Variants in PLXDC2 observed in about 807,000 individuals in gnomAD.
PLXDC2 encodes the protein plexin domain-containing protein 2.
A neutral mutation model predicts 68.9 loss-of-function variants in PLXDC2; 40 were observed. The observed-to-expected ratio is 0.58, with a 90% CI of 0.45 to 0.76. The LOEUF is 0.76. Among genes scored for constraint, PLXDC2 ranks in the 30% least tolerant of loss-of-function variants. The pLI is 0.00. For missense variants in PLXDC2, 644 were observed against 661.9 expected (o/e 0.97, Z 0.30); for synonymous variants, 243 against 234.2 (o/e 1.04, Z -0.34).
chr10:20,091,560 T>G (rs1249974452), intron 4 of PLXDC2, among the ~76,000 whole-genome samples: 1 of 152,200 alleles, frequency 6.6e-6, no homozygotes, highest in Non-Finnish European at 1.5e-5. Flanking sequence ...ACCTTTCTGT[T>G]CAGTAGGAAT....
chr10:20,043,120 A>T (rs554522431), intron 2 of PLXDC2, among the ~76,000 whole-genome samples: 1 of 152,304 alleles, frequency 6.6e-6, no homozygotes, highest in African/African-American at 2.4e-5. Flanking sequence ...AAAATGTCAC[A>T]TTTTTGAGAA....
chr10:20,272,024 C>T (rs541163335), intron 13 of PLXDC2, among the ~76,000 whole-genome samples: 1 of 152,208 alleles, frequency 6.6e-6, no homozygotes, highest in South Asian at 2.1e-4. Context: ...CATTATCACA[C>T]AGTCATGCTC....
chr10:20,044,243 T>TTCTTTCTTTCTTTCTTTC (rs1835751508), intron 2 of PLXDC2, among the ~76,000 whole-genome samples: 7 of 114,284 alleles, frequency 6.1e-5, no homozygotes, highest in Middle Eastern at 4.1e-3. Context: ...CTTTCTTTCT[T>TTCTTTCTTTCTTTCTTTC]TCTTTCTTTC....
At chr10:20,034,350 A>G (rs1232039895) in intron 2 of PLXDC2, among the ~76,000 whole-genome samples, 2 of 152,168 alleles carry the variant, frequency 1.3e-5, no homozygotes, top group East Asian at 1.9e-4. Flanking sequence ...TATCCTCTGT[A>G]TTCTCTTTAG....
chr10:20,033,363 A>G (rs1835531540), intron 2 of PLXDC2, among the ~76,000 whole-genome samples: 1 of 152,160 alleles, frequency 6.6e-6, no homozygotes. Flanking sequence ...AAATATTTTT[A>G]CATAAGGGGA....
chr10:20,025,874 A>G (rs983938711), intron 2 of PLXDC2, among the ~76,000 whole-genome samples: 2 of 151,790 alleles, frequency 1.3e-5, no homozygotes, highest in Non-Finnish European at 2.9e-5. Flanking sequence ...TTGAGTAATA[A>G]TTTTAATTTT....
intron 1 of PLXDC2, among the ~76,000 whole-genome samples, chr10:19,899,044 G>T (rs1488471913): frequency 6.6e-6 from 1 of 152,126 alleles, no homozygotes; most frequent in Admixed American, 6.5e-5. Flanking sequence ...AAACTCAAAA[G>T]ATGACCCATT....
At position 20,078,997 on chromosome 10, in the gene PLXDC2, T is replaced by C. The variant is rs148030357; in HGVS notation, c.541+10758T>C. The stretch of plus-strand genomic sequence containing the variant: ...AATCCTGAGATTGGGAGCATTTTTC[T>C]AAGACTGATACAAAGCCCAGAAACC... On this transcript the variant is annotated intron_variant, in intron 4 of 13. Coordinates refer to ENST00000377252, the MANE Select transcript of PLXDC2 (RefSeq NM_032812.9). Among the ~76,000 whole-genome samples, 377 of 152,194 alleles carry C rather than the reference T, an allele frequency of 2.5e-3. 1 individual carries two copies. The highest frequency in any genetic ancestry group is 0.01 in the Middle Eastern group (3 of 292).
At chr10:20,245,062 C>G (rs1286117070) in intron 12 of PLXDC2, among the ~76,000 whole-genome samples, 2 of 152,128 alleles carry the variant, frequency 1.3e-5, no homozygotes, top group South Asian at 2.1e-4. Flanking sequence ...TGCAGTGAGC[C>G]AAGATCATGC....
intron 4 of PLXDC2, among the ~76,000 whole-genome samples, chr10:20,130,581 G>A (rs904154274): frequency 6.6e-6 from 1 of 151,906 alleles, no homozygotes; most frequent in Non-Finnish European, 1.5e-5. Context: ...TACTAATCCC[G>A]AGAAGCTTTT....
At chr10:20,142,936 T>C (rs1416443641) in intron 4 of PLXDC2, among the ~76,000 whole-genome samples, 2 of 152,126 alleles carry the variant, frequency 1.3e-5, no homozygotes, top group Non-Finnish European at 2.9e-5. Context: ...TGGTAAGCTA[T>C]TGTTAAAATA....
At chr10:19,826,674 G>T (rs772502193) in intron 1 of PLXDC2, among the ~76,000 whole-genome samples, 3 of 152,080 alleles carry the variant, frequency 2.0e-5, no homozygotes, top group African/African-American at 7.2e-5. Flanking sequence ...TATATATCTT[G>T]TATAATGTAC....
chr10:20,006,862 G>A (rs1835035456), intron 2 of PLXDC2, among the ~76,000 whole-genome samples: 1 of 152,190 alleles, frequency 6.6e-6, no homozygotes, highest in Non-Finnish European at 1.5e-5. Context: ...ATAAGCAGGG[G>A]CCCAACAGAT....
At chr10:20,052,138 A>T (rs1438233353) in intron 3 of PLXDC2, among the ~76,000 whole-genome samples, 1 of 152,066 alleles carries the variant, frequency 6.6e-6, no homozygotes, top group African/African-American at 2.4e-5. Context: ...TTGAAAAAAA[A>T]TGCTATGTGA....
chr10:20,266,392 T>G (rs1191204855), intron 13 of PLXDC2, among the ~76,000 whole-genome samples: 1 of 147,116 alleles, frequency 6.8e-6, no homozygotes. Flanking sequence ...TGACAGAAAA[T>G]GATACAAGAA....
intron 1 of PLXDC2, among the ~76,000 whole-genome samples, chr10:19,902,655 A>G (rs188133876): frequency 1.4e-3 from 211 of 152,246 alleles, no homozygotes; most frequent in African/African-American, 4.5e-3. Flanking sequence ...CTCTTTACCA[A>G]TTGGGATGCC....
chr10:20,114,575 A>T (rs1159925111), intron 4 of PLXDC2, among the ~76,000 whole-genome samples: 1 of 152,222 alleles, frequency 6.6e-6, no homozygotes, highest in African/African-American at 2.4e-5. Flanking sequence ...CGTCTGAATG[A>T]GCACAGGTGT....
chr10:19,842,563 C>A (rs2131318999), intron 1 of PLXDC2, among the ~76,000 whole-genome samples: 1 of 152,280 alleles, frequency 6.6e-6, no homozygotes, highest in South Asian at 2.1e-4. Context: ...CTTATTTTCC[C>A]ACTGGTTTGA....
intron 1 of PLXDC2, among the ~76,000 whole-genome samples, chr10:20,000,095 C>G (rs1275662819): frequency 2.0e-5 from 3 of 152,102 alleles, no homozygotes; most frequent in African/African-American, 2.4e-5. Context: ...TCCACTCATT[C>G]AGTCAATCAA....
Sources: allele counts gnomAD v4.1 joint callset (sites outside exome capture counted in the v4.1 genomes callset), GRCh38; gene constraint gnomAD v4.1.1; transcripts MANE v1.5; gene names NCBI Gene and HGNC (gene_info 2026-07-23, HGNC 2026-07-21).